DAPP1: variants seen among roughly 807,000 people sequenced by gnomAD.
The protein encoded by DAPP1 is dual adapter for phosphotyrosine and 3-phosphotyrosine and 3-phosphoinositide.
Under a neutral mutation model 41.5 loss-of-function variants are expected in DAPP1, and 20 were observed. The observed-to-expected ratio is 0.48, with a 90% CI of 0.34 to 0.70. The LOEUF is 0.70. DAPP1 is among the 30% of genes least tolerant of loss of function. The pLI is 0.01. For missense variants in DAPP1, 233 were observed against 333.4 expected (o/e 0.70, Z 2.35); for synonymous variants, 113 against 116.2 (o/e 0.97, Z 0.18).
Position 99,863,813 on chromosome 4 carries a change from C to G in DAPP1, c.644C>G (p.Ala215Gly). 1 of 1,601,626 alleles carries G rather than the reference C, an allele frequency of 6.2e-7. No homozygotes were observed. The highest frequency in any genetic ancestry group is 1.1e-5 in the South Asian group (1 of 89,290). ...IRILDLTECS[A>G]VQFDYSQERV... is the part of the protein sequence containing the mutation. ...ATCCTAGACCTAACAGAATGTTCAG[C>G]TGTACAATTCGATTATTCACAAGAA... The change falls in exon 7 of 9, where the codon GCT (alanine) becomes GGT (glycine). Residue 215 changes from alanine (A) to glycine (G), a missense_variant. Coordinates refer to ENST00000512369, the MANE Select transcript of DAPP1 (RefSeq NM_014395.3).
chr4:99,847,041 A>G (rs1296681058), intron 3 of DAPP1, among the ~76,000 whole-genome samples: 1 of 152,246 alleles, frequency 6.6e-6, no homozygotes, highest in African/African-American at 2.4e-5. Context: ...TGAGGGCAGT[A>G]ATGAAACACG....
At chr4:99,862,425 C>T (rs1371889364) in intron 5 of DAPP1, among the ~76,000 whole-genome samples, 1 of 152,048 alleles carries the variant, frequency 6.6e-6, no homozygotes, top group Admixed American at 6.6e-5. Context: ...CCACTGATAC[C>T]TTGGAGTTCT....
intron 1 of DAPP1, among the ~76,000 whole-genome samples, chr4:99,829,331 T>A (rs1723043451): frequency 6.6e-6 from 1 of 151,706 alleles, no homozygotes; most frequent in Admixed American, 6.6e-5. Flanking sequence ...AATACAAAAA[T>A]TTGCCAGGTG....
intron 6 of DAPP1, 21 bp from the exon 7 acceptor site, chr4:99,863,748 CG>C: frequency 8.0e-7 from 1 of 1,249,512 alleles, no homozygotes; most frequent in Non-Finnish European, 1.1e-6. Context: ...TGGTGACATA[CG>C]TTGCTTTTTA....
chr4:99,817,668 T>C (rs1304092273), intron 1 of DAPP1, among the ~76,000 whole-genome samples: 1 of 152,150 alleles, frequency 6.6e-6, no homozygotes, highest in Admixed American at 6.5e-5. Flanking sequence ...AGCTCTGTCT[T>C]TAAGAAGGGA....
intron 4 of DAPP1, among the ~76,000 whole-genome samples, chr4:99,859,153 C>A (rs1397800289): frequency 6.6e-6 from 1 of 152,020 alleles, no homozygotes; most frequent in Non-Finnish European, 1.5e-5. Flanking sequence ...TGGGTGCAAG[C>A]AATGCTCATG....
intron 4 of DAPP1, among the ~76,000 whole-genome samples, chr4:99,857,633 C>G (rs1414141194): frequency 4.6e-5 from 7 of 151,080 alleles, no homozygotes; most frequent in Admixed American, 4.6e-4. Flanking sequence ...AAACTCTTCT[C>G]AGGTTTAACA....
intron 2 of DAPP1, among the ~76,000 whole-genome samples, chr4:99,837,292 T>G (rs1447795163): frequency 6.6e-6 from 1 of 152,162 alleles, no homozygotes; most frequent in East Asian, 1.9e-4. Flanking sequence ...ATAAAGTGTG[T>G]GTACTCCAGG....
At chr4:99,818,124 T>C (rs1305783630) in intron 1 of DAPP1, among the ~76,000 whole-genome samples, 1 of 152,220 alleles carries the variant, frequency 6.6e-6, no homozygotes, top group Non-Finnish European at 1.5e-5. Context: ...GTCTTTAGAT[T>C]ATAAAACTGA....
Position 99,863,751 on chromosome 4 carries a change from T to G in DAPP1, c.601-19T>G. 2 of 1,469,332 alleles carry G rather than the reference T, an allele frequency of 1.4e-6. No individual in the cohort carries two copies. Among genetic ancestry groups the G allele is most frequent in the Non-Finnish European group, 1.9e-6 (2 of 1,081,046 alleles). 91.0% of individuals were successfully genotyped at this position (1,469,332 alleles called of 1,614,324 possible). A position where few individuals can be genotyped will look rare whatever the true frequency, so the allele number is the denominator to read the frequency against. ...TTTTTTTTTTAATGGTGACATACGT[T>G]GCTTTTTATTTTATTTAGTCACCAG... On this transcript the variant is annotated intron_variant, in intron 6 of 8. Coordinates refer to ENST00000512369, the MANE Select transcript of DAPP1 (RefSeq NM_014395.3).
intron 1 of DAPP1, among the ~76,000 whole-genome samples, chr4:99,834,562 A>G (rs1186736235): frequency 6.6e-6 from 1 of 152,210 alleles, no homozygotes; most frequent in African/African-American, 2.4e-5. Flanking sequence ...CACTCATGAC[A>G]ATAGCCTTTA....
intron 1 of DAPP1, among the ~76,000 whole-genome samples, chr4:99,831,582 C>A (rs1310792877): frequency 6.6e-6 from 1 of 152,158 alleles, no homozygotes. Flanking sequence ...GCAGTGAACA[C>A]CCTTGTTCAT....
chr4:99,825,165 A>G (rs988372815), intron 1 of DAPP1, among the ~76,000 whole-genome samples: 6 of 152,046 alleles, frequency 3.9e-5, no homozygotes, highest in African/African-American at 1.4e-4. Context: ...GCTTCTGGCT[A>G]TCTGTGTGAG....
intron 1 of DAPP1, among the ~76,000 whole-genome samples, chr4:99,817,515 C>A (rs1337103886): frequency 6.6e-6 from 1 of 152,182 alleles, no homozygotes; most frequent in Non-Finnish European, 1.5e-5. Context: ...TTGTATATTT[C>A]TTTCTCCTGA....
intron 3 of DAPP1, among the ~76,000 whole-genome samples, chr4:99,841,033 A>G (rs1305099017): frequency 6.6e-6 from 1 of 152,238 alleles, no homozygotes; most frequent in Non-Finnish European, 1.5e-5. Flanking sequence ...AAGATTGAAC[A>G]TCTTGTTTAT....
chr4:99,848,244 T>TG (rs1491062528), intron 3 of DAPP1, among the ~76,000 whole-genome samples: 1 of 151,312 alleles, frequency 6.6e-6, no homozygotes, highest in East Asian at 1.9e-4. Flanking sequence ...TTTTTTTTTT[T>TG]TGTGATGGGG....
Position 99,818,833 on chromosome 4 carries a change from C to T in DAPP1, c.101+1819C>T, listed in dbSNP as rs949182955. ...CTACAGTCCTGGTTCTTGACCTTGG[C>T]TGTGCTCTGGAACATCTTGACACCC... On this transcript the variant is annotated intron_variant, in intron 1 of 8. Coordinates refer to ENST00000512369, the MANE Select transcript of DAPP1 (RefSeq NM_014395.3). Among the ~76,000 whole-genome samples the T allele has an allele frequency of 5.9e-5, 9 of 152,190 alleles. No homozygotes were observed. In the South Asian group the frequency reaches 8.3e-4, roughly 14 times the overall value.
intron 3 of DAPP1, chr4:99,844,289 C>A (rs1238413208): frequency 6.6e-6 from 1 of 152,140 alleles, no homozygotes; most frequent in Non-Finnish European, 1.5e-5. Context: ...ACACGAACTT[C>A]CTAAGGCTTC....
chr4:99,862,268 C>T (rs562955518), intron 5 of DAPP1, among the ~76,000 whole-genome samples: 15 of 152,300 alleles, frequency 9.8e-5, no homozygotes, highest in African/African-American at 3.4e-4. Flanking sequence ...AGATCGAATG[C>T]TCCCTGAGGA....
Sources: allele counts gnomAD v4.1 joint callset (sites outside exome capture counted in the v4.1 genomes callset), GRCh38; gene constraint gnomAD v4.1.1; transcripts MANE v1.5; gene names NCBI Gene and HGNC (gene_info 2026-07-23, HGNC 2026-07-21).